The following EDC3 variants were observed in gnomAD, a reference collection of about 807,000 sequenced individuals.
EDC3 encodes the protein enhancer of mRNA decapping 3.
A neutral mutation model predicts 41.8 loss-of-function variants in EDC3; 20 were observed. The ratio of observed to expected loss-of-function variants is 0.48; its 90% CI spans 0.34 to 0.70. EDC3 has a LOEUF of 0.70. Among genes scored for constraint, EDC3 ranks in the 30% least tolerant of loss-of-function variants. The pLI is 0.01. For synonymous variants in EDC3, 206 were observed against 243.2 expected (o/e 0.85, Z 1.42); for missense variants, 444 against 636.8 (o/e 0.70, Z 3.26).
At chr15:74,654,850 T>G (rs996423315) in intron 4 of EDC3, among the ~76,000 whole-genome samples, 1 of 152,228 alleles carries the variant, frequency 6.6e-6, no homozygotes, top group African/African-American at 2.4e-5. Flanking sequence ...CAGTTCTCCT[T>G]ATAGCAGCTA....
At chr15:74,687,625 A>C (rs1430612627) in intron 1 of EDC3, among the ~76,000 whole-genome samples, 1 of 152,056 alleles carries the variant, frequency 6.6e-6, no homozygotes, top group Non-Finnish European at 1.5e-5. Context: ...TGATCTGCTC[A>C]CCTCAGCCTC....
intron 2 of EDC3, among the ~76,000 whole-genome samples, chr15:74,674,153 G>A (rs1175758600): frequency 6.6e-6 from 1 of 152,088 alleles, no homozygotes; most frequent in Admixed American, 6.6e-5. Flanking sequence ...TACCCAGGCT[G>A]GAGTGCAGTG....
intron 1 of EDC3, chr15:74,677,010 C>T (rs1464025139): frequency 6.6e-6 from 1 of 152,182 alleles, no homozygotes; most frequent in African/African-American, 2.4e-5. Context: ...GCAACAAAAA[C>T]CGTCATTCAT....
At chr15:74,687,980 T>G (rs928199636) in intron 1 of EDC3, among the ~76,000 whole-genome samples, 26 of 152,362 alleles carry the variant, frequency 1.7e-4, no homozygotes, top group African/African-American at 6.3e-4. Flanking sequence ...AGTAACTGAA[T>G]AGAATTTTTA....
chr15:74,684,267 C>T (rs1027566332), intron 1 of EDC3, among the ~76,000 whole-genome samples: 2 of 151,508 alleles, frequency 1.3e-5, no homozygotes, highest in African/African-American at 4.8e-5. Context: ...GACCTCACAG[C>T]TCAATTGATC....
At chr15:74,687,273 G>C (rs2062949545) in intron 1 of EDC3, 1 of 152,024 alleles carries the variant, frequency 6.6e-6, no homozygotes. Flanking sequence ...ACTCTAGATA[G>C]TTCTCTAGTG....
intron 3 of EDC3, among the ~76,000 whole-genome samples, chr15:74,659,415 G>A (rs1041981324): frequency 4.6e-5 from 7 of 151,642 alleles, no homozygotes; most frequent in African/African-American, 1.7e-4. Flanking sequence ...AGCCAAGATT[G>A]TGCCATTCCA....
In EDC3 at chr15:74,671,374, T is replaced by G; in HGVS notation, c.484+81A>C. 2.8e-6 allele frequency: 4 copies of G among 1,425,558 alleles called. No homozygotes were observed. The highest frequency in any genetic ancestry group is 1.8e-4 in the Middle Eastern group (1 of 5,448). The allele number at this position is 1,425,558 out of a possible 1,614,324, so 88.3% of individuals were successfully genotyped here. On this transcript the variant is annotated intron_variant, in intron 3 of 6. Coordinates refer to ENST00000315127, the MANE Select transcript of EDC3 (RefSeq NM_025083.5). This position sits in a 1 kb window ranked among gnomAD's most constrained non-coding sequence, Gnocchi z 4.6. ...CCATTTTATTGGAATAACAAAGGAT[T>G]TGTTTAAAGAGCAGCAGTGCTTATG...
At chr15:74,657,979 G>A (rs1369582961) in intron 3 of EDC3, among the ~76,000 whole-genome samples, 1 of 152,144 alleles carries the variant, frequency 6.6e-6, no homozygotes, top group Non-Finnish European at 1.5e-5. Context: ...CCACAACAGA[G>A]TAGCCAGCCA....
intron 1 of EDC3, among the ~76,000 whole-genome samples, chr15:74,690,593 T>A (rs1436576546): frequency 1.3e-5 from 2 of 152,204 alleles, no homozygotes; most frequent in Admixed American, 1.3e-4. Flanking sequence ...CTAGGAATTG[T>A]TCCACACAAC....
rs1444863316 is a variant in EDC3, at chr15:74,655,748, T to G, written c.805A>C (p.Lys269Gln). The change falls in exon 4 of 7, where the codon AAG becomes CAG. Residue 269 changes from lysine to glutamine, a missense_variant. Lys to Gln is a moderately conservative substitution (Grantham distance 53). This residue lies in a region of EDC3 where 242 missense variants were observed against 363.8 expected (regional missense o/e 0.67). Transcript: ENST00000315127. ...RRIIVPHNVS[K>Q]EFCTDSGLVV... ...TGCAACTCACCCGTGCAGAACTCCT[T>G]GCTCACGTTGTGGGGCACTATGATC... is the stretch of plus-strand genomic sequence containing the variant. The G allele has an allele frequency of 1.3e-5, 21 of 1,610,050 alleles. No individual in the cohort carries two copies. Among genetic ancestry groups the G allele is most frequent in the Non-Finnish European group, 1.8e-5 (21 of 1,176,696 alleles).
intron 3 of EDC3, among the ~76,000 whole-genome samples, chr15:74,661,643 A>G (rs575319403): frequency 6.6e-6 from 1 of 151,332 alleles, no homozygotes; most frequent in Admixed American, 6.6e-5. Flanking sequence ...AGGCACGAGA[A>G]TCGCTTGAAC....
chr15:74,655,638 G>C (rs2062537389), intron 4 of EDC3, 95 bp downstream of exon 4: 2 of 1,240,938 alleles, frequency 1.6e-6, no homozygotes, highest in Non-Finnish European at 2.2e-6. Flanking sequence ...TTAATTCCTA[G>C]TGTGAGATTC....
intron 1 of EDC3, chr15:74,676,920 CAAT>C (rs2062812219): frequency 6.6e-6 from 1 of 152,152 alleles, no homozygotes; most frequent in Admixed American, 6.5e-5. Context: ...ATTAAAACAA[CAAT>C]AAGATGCCAC....
chr15:74,649,066 T>C (rs1206992235), intron 4 of EDC3, among the ~76,000 whole-genome samples: 4 of 144,948 alleles, frequency 2.8e-5, no homozygotes, highest in African/African-American at 1.0e-4. Flanking sequence ...GCTAATTTTT[T>C]TTTTTTTTTT....
At chr15:74,658,032 A>G (rs761097737) in intron 3 of EDC3, among the ~76,000 whole-genome samples, 5 of 152,132 alleles carry the variant, frequency 3.3e-5, no homozygotes, top group Non-Finnish European at 7.4e-5. Context: ...CACATCAGTC[A>G]ACAACTACTC....
At chr15:74,643,039 G>T (rs971481467) in intron 4 of EDC3, 2 of 152,142 alleles carry the variant, frequency 1.3e-5, no homozygotes, top group East Asian at 3.9e-4. Flanking sequence ...CAGTTATGGG[G>T]TCTAGAACTC....
At chr15:74,680,337 C>G (rs1245367070) in intron 1 of EDC3, among the ~76,000 whole-genome samples, 1 of 150,362 alleles carries the variant, frequency 6.7e-6, no homozygotes, top group Admixed American at 6.7e-5. Context: ...AATGCTGACT[C>G]AAGATCAGAA....
intron 3 of EDC3, among the ~76,000 whole-genome samples, chr15:74,665,814 T>C (rs1273138500): frequency 6.6e-6 from 1 of 151,718 alleles, no homozygotes; most frequent in Admixed American, 6.6e-5. Flanking sequence ...TTTTTTTTTT[T>C]TGAGACAGAG....
Sources: gnomAD v4.1 joint callset for allele counts (sites outside exome capture counted in the v4.1 genomes callset) on GRCh38, gnomAD v4.1.1 for gene constraint, gnomAD v4.1.1 regional missense constraint, Gnocchi (gnomAD v3.1) non-coding constraint, MANE v1.5 for transcripts, NCBI Gene and HGNC (gene_info 2026-07-23, HGNC 2026-07-21) for gene names.